Variants in SH3GL2 observed in about 807,000 individuals in gnomAD.
SH3GL2 encodes the protein SH3 domain containing GRB2 like 2, endophilin A1.
Under a neutral mutation model 46.0 loss-of-function variants are expected in SH3GL2, and 24 were observed. The observed-to-expected ratio is 0.52, with a 90% CI of 0.38 to 0.73. The LOEUF (loss-of-function observed/expected upper bound fraction) is 0.73, where lower values mean the gene tolerates loss of function less well. SH3GL2 is among the 30% of genes least tolerant of loss of function. The pLI, the probability that SH3GL2 is intolerant of heterozygous loss-of-function variation, is 0.00. For missense variants in SH3GL2, 413 were observed against 424.2 expected, an observed-to-expected ratio of 0.97 and a Z score of 0.23; for synonymous variants, 196 against 147.1, an observed-to-expected ratio of 1.33 and a Z score of -2.40.
At chr9:17,661,837 A>T (rs1404526945) in intron 1 of SH3GL2, among the ~76,000 whole-genome samples, 1 of 152,186 alleles carries the variant, frequency 6.6e-6, no homozygotes, top group Non-Finnish European at 1.5e-5. Flanking sequence ...AACACGTAAT[A>T]CTTATGTAAC....
intron 1 of SH3GL2, among the ~76,000 whole-genome samples, chr9:17,624,993 A>G (rs1283290546): frequency 2.0e-5 from 3 of 152,126 alleles, no homozygotes; most frequent in Admixed American, 6.5e-5. Flanking sequence ...TGAGATGAAA[A>G]TTGTTCTTCT....
At chr9:17,708,369 T>C (rs926307484) in intron 1 of SH3GL2, among the ~76,000 whole-genome samples, 2 of 152,064 alleles carry the variant, frequency 1.3e-5, no homozygotes, top group East Asian at 1.9e-4. Context: ...TTTTGACTCT[T>C]AGCATTCTTT....
intron 1 of SH3GL2, among the ~76,000 whole-genome samples, chr9:17,663,659 A>T (rs531267577): frequency 1.3e-5 from 2 of 152,338 alleles, no homozygotes; most frequent in East Asian, 3.9e-4. Context: ...ATGATCCATC[A>T]TAGAGATGTC....
chr9:17,738,861 C>T (rs758065855), intron 1 of SH3GL2, among the ~76,000 whole-genome samples: 2 of 151,920 alleles, frequency 1.3e-5, no homozygotes, highest in Non-Finnish European at 2.9e-5. Context: ...ATGAGGCCCA[C>T]CCACATTATG....
At chr9:17,740,453 G>C (rs7860584) in intron 1 of SH3GL2, among the ~76,000 whole-genome samples, 4,623 of 122,390 alleles carry the variant, frequency 0.038, 236 homozygotes, top group African/African-American at 0.11. Flanking sequence ...CTAAGTATTT[G>C]ATATGTCATC....
chr9:17,611,443 C>T (rs1818864857), intron 1 of SH3GL2, among the ~76,000 whole-genome samples: 1 of 152,104 alleles, frequency 6.6e-6, no homozygotes, highest in South Asian at 2.1e-4. Context: ...AAGAGAAGCT[C>T]ATTTAGAACT....
chr9:17,636,696 T>A (rs1819552530), intron 1 of SH3GL2, among the ~76,000 whole-genome samples: 1 of 152,214 alleles, frequency 6.6e-6, no homozygotes, highest in African/African-American at 2.4e-5. Flanking sequence ...TTTTATATTA[T>A]TCTTGGAAAT....
intron 1 of SH3GL2, chr9:17,590,628 T>C (rs1363617675): frequency 1.3e-5 from 2 of 152,214 alleles, no homozygotes; most frequent in East Asian, 1.9e-4. Flanking sequence ...TTTGCAGATA[T>C]ATTTATAGTG....
At chr9:17,644,746 T>G (rs1322501681) in intron 1 of SH3GL2, among the ~76,000 whole-genome samples, 1 of 152,176 alleles carries the variant, frequency 6.6e-6, no homozygotes, top group Non-Finnish European at 1.5e-5. Flanking sequence ...CTTCCAATTA[T>G]GTGGTCAGTT....
In SH3GL2 at chr9:17,777,913, G is replaced by A. The variant is rs141288218; in HGVS notation, c.188-8468G>A. Among the ~76,000 whole-genome samples, 46 of 151,812 alleles carry A rather than the reference G, an allele frequency of 3.0e-4. 1 individual carries two copies. The East Asian group carries it at 4.8e-3, about 16-fold the overall frequency. Reference sequence around the variant, plus strand: ...CACTTACCAACTCTATTCCTTTAGCGTAGGTTGGGCTCTCATCCCTATCTT... The same window carrying A: ...CACTTACCAACTCTATTCCTTTAGCATAGGTTGGGCTCTCATCCCTATCTT... On this transcript the variant is annotated intron_variant, in intron 3 of 8. Coordinates refer to ENST00000380607, the MANE Select transcript of SH3GL2 (RefSeq NM_003026.5).
chr9:17,741,738 C>T (rs528526838), intron 1 of SH3GL2, among the ~76,000 whole-genome samples: 3 of 152,282 alleles, frequency 2.0e-5, no homozygotes, highest in South Asian at 4.1e-4. Flanking sequence ...ATAAAAGAAC[C>T]TGTGATATAT....
Position 17,661,250 on chromosome 9 carries a change from G to T in SH3GL2, c.45+81963G>T, listed in dbSNP as rs575451662. 3.9e-5 allele frequency among the ~76,000 whole-genome samples: 6 copies of T among 152,282 alleles called. No individual in the cohort carries two copies. In the South Asian group the frequency reaches 1.2e-3, roughly 32 times the overall value. Reference sequence around the variant, plus strand: ...GAAAACTGAAGAATTTAATCTTTTAGCCCTGTGCTGTTGATTTGGATAAAG... The same window carrying T: ...GAAAACTGAAGAATTTAATCTTTTATCCCTGTGCTGTTGATTTGGATAAAG... On this transcript the variant is annotated intron_variant, in intron 1 of 8. Transcript: ENST00000380607.
rs3837228 is a variant in SH3GL2, at chr9:17,709,680, T to TACACACACACAC, written c.46-37363_46-37352dup. On this transcript the variant is annotated intron_variant, in intron 1 of 8. Transcript: ENST00000380607. Reference sequence around the variant, plus strand: ...TATATATAGTTTAACTTATTTGTATTACACACACACACACACACACACACA... The same window carrying TACACACACACAC: ...TATATATAGTTTAACTTATTTGTATTACACACACACACACACACACACACACACACACACACA... 9.7e-3 allele frequency among the ~76,000 whole-genome samples: 1,433 copies of TACACACACACAC among 148,254 alleles called. 36 individuals carry two copies. Among genetic ancestry groups the TACACACACACAC allele is most frequent in the African/African-American group, 0.033 (1,341 of 40,152 alleles).
chr9:17,731,807 C>G (rs983002517), intron 1 of SH3GL2, among the ~76,000 whole-genome samples: 11 of 152,142 alleles, frequency 7.2e-5, no homozygotes, highest in Admixed American at 1.3e-4. Context: ...CTCTCCCTCC[C>G]TCTCTGATTT....
intron 1 of SH3GL2, among the ~76,000 whole-genome samples, chr9:17,631,367 C>T (rs184719075): frequency 1.4e-4 from 21 of 152,222 alleles, no homozygotes; most frequent in African/African-American, 5.1e-4. Context: ...GACATCCCCT[C>T]TTGCTCAGGC....
chr9:17,617,289 T>C (rs1819027272), intron 1 of SH3GL2, among the ~76,000 whole-genome samples: 1 of 152,164 alleles, frequency 6.6e-6, no homozygotes, highest in African/African-American at 2.4e-5. Flanking sequence ...TATATGTAGG[T>C]TTGTTAAGAA....
At chr9:17,689,391 C>G (rs1181483870) in intron 1 of SH3GL2, among the ~76,000 whole-genome samples, 2 of 152,060 alleles carry the variant, frequency 1.3e-5, no homozygotes, top group African/African-American at 4.8e-5. Flanking sequence ...TCTGAATAAA[C>G]TGTGCACTTT....
chr9:17,667,358 A>C (rs1174259232), intron 1 of SH3GL2, among the ~76,000 whole-genome samples: 2 of 152,086 alleles, frequency 1.3e-5, no homozygotes, highest in Non-Finnish European at 2.9e-5. Context: ...CCCCATGCCC[A>C]CTGGCACCCA....
In SH3GL2 at chr9:17,625,538, C is replaced by G. The variant is rs529500651; in HGVS notation, c.45+46251C>G. The stretch of plus-strand genomic sequence containing the variant: ...CCTTGTGTGATAATCAGGCAGAGAT[C>G]AATTCTATTTTACAGACAGGGAAAC... On this transcript the variant is annotated intron_variant, in intron 1 of 8. Coordinates refer to ENST00000380607, the MANE Select transcript of SH3GL2 (RefSeq NM_003026.5). 3.3e-5 allele frequency among the ~76,000 whole-genome samples: 5 copies of G among 152,296 alleles called. No individual in the cohort carries two copies. In the South Asian group the frequency reaches 8.3e-4, roughly 25 times the overall value.
Sources: allele counts gnomAD v4.1 joint callset (sites outside exome capture counted in the v4.1 genomes callset), GRCh38; gene constraint gnomAD v4.1.1; transcripts MANE v1.5; gene names NCBI Gene and HGNC (gene_info 2026-07-23, HGNC 2026-07-21).